The following MAMDC2 variants were observed in gnomAD, a reference collection of about 807,000 sequenced individuals.
The protein encoded by MAMDC2 is MAM domain-containing protein 2.
In MAMDC2, 57 loss-of-function variants were observed where a neutral mutation model predicts 89.8. That is an observed-to-expected ratio of 0.63 (90% confidence interval 0.51 to 0.79). The LOEUF (loss-of-function observed/expected upper bound fraction) is 0.79, where lower values mean the gene tolerates loss of function less well. Among genes scored for constraint, MAMDC2 ranks in the 30% least tolerant of loss-of-function variants. The pLI, the probability that MAMDC2 is intolerant of heterozygous loss-of-function variation, is 0.00. For synonymous variants in MAMDC2, 313 were observed against 293.4 expected (o/e 1.07, Z -0.68); for missense variants, 800 against 820.6 (o/e 0.97, Z 0.31).
At chr9:70,103,801 G>A (rs1464274670) in intron 2 of MAMDC2, among the ~76,000 whole-genome samples, 2 of 151,972 alleles carry the variant, frequency 1.3e-5, no homozygotes, top group African/African-American at 4.8e-5. Context: ...GGGCAACATG[G>A]TGAAACCCCG....
At chr9:70,171,648 T>C (rs1476213919) in intron 11 of MAMDC2, among the ~76,000 whole-genome samples, 4 of 152,196 alleles carry the variant, frequency 2.6e-5, no homozygotes, top group African/African-American at 9.7e-5. Flanking sequence ...CTCATAGAGA[T>C]ATTTCCTCAT....
At position 70,126,348 on chromosome 9, in the gene MAMDC2, C is replaced by T; in HGVS notation, c.833C>T (p.Ala278Val). 6.2e-7 allele frequency: 1 copy of T among 1,614,128 alleles called. No homozygotes were observed. The highest frequency in any genetic ancestry group is 1.1e-5 in the South Asian group (1 of 91,082). The change falls in exon 6 of 14, where the codon GCA becomes GTA. Residue 278 changes from alanine (A) to valine (V), a missense_variant. Ala to Val is a moderately conservative substitution (Grantham distance 64, BLOSUM62 0). Transcript: ENST00000377182. ...VAGLYEEIWK[A>V]DRPGNAAWNL... ...GGCCTTTACGAGGAAATCTGGAAAG[C>T]AGACAGGCCAGGGAATGCTGCCTGG...
chr9:70,180,935 A>C (rs2032633056), intron 11 of MAMDC2, among the ~76,000 whole-genome samples: 1 of 152,148 alleles, frequency 6.6e-6, no homozygotes, highest in Admixed American at 6.5e-5. Context: ...GCCCATGTCT[A>C]TGTCCTGAAT....
At chr9:70,129,731 G>A (rs2030710635) in intron 6 of MAMDC2, among the ~76,000 whole-genome samples, 1 of 152,158 alleles carries the variant, frequency 6.6e-6, no homozygotes, top group African/African-American at 2.4e-5. Flanking sequence ...AGATCCTCTT[G>A]ATAATTTGCT....
intron 11 of MAMDC2, among the ~76,000 whole-genome samples, chr9:70,204,524 G>GC (rs1242872226): frequency 3.3e-5 from 5 of 149,600 alleles, no homozygotes; most frequent in African/African-American, 9.8e-5. Flanking sequence ...TCTGTGCCCT[G>GC]CCCCCAGAGG....
intron 2 of MAMDC2, chr9:70,088,700 T>A (rs771255112): frequency 6.6e-6 from 1 of 151,224 alleles, no homozygotes; most frequent in African/African-American, 2.4e-5. Flanking sequence ...GATAATATGC[T>A]AATTTTCCTG....
chr9:70,139,000 C>T (rs2031099798), intron 7 of MAMDC2, among the ~76,000 whole-genome samples: 1 of 151,930 alleles, frequency 6.6e-6, no homozygotes, highest in Non-Finnish European at 1.5e-5. Context: ...CAGATTGAGT[C>T]CCATAAAATC....
At chr9:70,059,290 G>A (rs1033339646) in intron 2 of MAMDC2, among the ~76,000 whole-genome samples, 26 of 152,120 alleles carry the variant, frequency 1.7e-4, no homozygotes, top group African/African-American at 6.0e-4. Context: ...TGGCATACGA[G>A]CATGCGTCTC....
At chr9:70,068,051 T>G (rs1482969309) in intron 2 of MAMDC2, among the ~76,000 whole-genome samples, 1 of 152,222 alleles carries the variant, frequency 6.6e-6, no homozygotes, top group Admixed American at 6.5e-5. Flanking sequence ...TCGTCTGAGC[T>G]GATACAAATT....
chr9:70,073,954 C>G (rs1827468877), intron 2 of MAMDC2, among the ~76,000 whole-genome samples: 1 of 152,216 alleles, frequency 6.6e-6, no homozygotes, highest in Non-Finnish European at 1.5e-5. Context: ...TTCTTAAACT[C>G]TTGGGGTCAT....
intron 11 of MAMDC2, among the ~76,000 whole-genome samples, chr9:70,173,839 A>T (rs1276145425): frequency 6.6e-6 from 1 of 152,206 alleles, no homozygotes; most frequent in African/African-American, 2.4e-5. Flanking sequence ...AGGACAACCT[A>T]AGGTTTCCCA....
chr9:70,223,241 C>G (rs947028466), intron 12 of MAMDC2, among the ~76,000 whole-genome samples: 10 of 150,440 alleles, frequency 6.6e-5, no homozygotes, highest in Admixed American at 4.6e-4. Flanking sequence ...AAACACCTAA[C>G]AGTTTCATAT....
chr9:70,200,324 CTTGT>C (rs1277973467), intron 11 of MAMDC2, among the ~76,000 whole-genome samples: 5 of 146,684 alleles, frequency 3.4e-5, no homozygotes, highest in Non-Finnish European at 7.6e-5. Flanking sequence ...TTCCCCATTG[CTTGT>C]TTTTCTCAGG....
At chr9:70,171,499 G>A (rs764787719) in intron 11 of MAMDC2, among the ~76,000 whole-genome samples, 95 of 151,958 alleles carry the variant, frequency 6.3e-4, no homozygotes, top group East Asian at 7.8e-4. Flanking sequence ...GCCCTGTCTC[G>A]AAAAAAATAA....
intron 2 of MAMDC2, among the ~76,000 whole-genome samples, chr9:70,103,833 T>A (rs1587473089): frequency 6.6e-6 from 1 of 151,758 alleles, no homozygotes; most frequent in African/African-American, 2.4e-5. Context: ...ATACAAAAAA[T>A]TAGCAGGGCG....
At chr9:70,145,650 C>T (rs1042829044) in intron 9 of MAMDC2, among the ~76,000 whole-genome samples, 2 of 152,028 alleles carry the variant, frequency 1.3e-5, no homozygotes, top group East Asian at 1.9e-4. Context: ...ATGGAATCTT[C>T]GTTACACTCT....
At chr9:70,045,862 T>A (rs1222565658) in intron 2 of MAMDC2, among the ~76,000 whole-genome samples, 1 of 152,220 alleles carries the variant, frequency 6.6e-6, no homozygotes, top group African/African-American at 2.4e-5. Flanking sequence ...AGGAAGGAAC[T>A]GGTTCAGTAG....
chr9:70,182,767 G>GTCTA (rs982381605), intron 11 of MAMDC2, among the ~76,000 whole-genome samples: 1 of 151,972 alleles, frequency 6.6e-6, no homozygotes, highest in Non-Finnish European at 1.5e-5. Flanking sequence ...AGTCTGAGCG[G>GTCTA]TCTATCTATT....
At chr9:70,098,664 C>T (rs759994942) in intron 2 of MAMDC2, among the ~76,000 whole-genome samples, 12 of 152,142 alleles carry the variant, frequency 7.9e-5, no homozygotes, top group Non-Finnish European at 1.2e-4. Context: ...TGTTTTCCTG[C>T]TGTAAGAAAA....
Sources: allele counts gnomAD v4.1 joint callset (sites outside exome capture counted in the v4.1 genomes callset), GRCh38; gene constraint gnomAD v4.1.1; transcripts MANE v1.5; gene names NCBI Gene and HGNC (gene_info 2026-07-23, HGNC 2026-07-21).